Variants in COL14A1 observed in about 807,000 individuals in gnomAD.
COL14A1 encodes collagen alpha-1(XIV) chain.
COL14A1 carries 136 observed loss-of-function variants against 230.3 expected under a neutral mutation model. The ratio of observed to expected loss-of-function variants is 0.59; its 90% confidence interval spans 0.51 to 0.68. The LOEUF is 0.68. Ranked by LOEUF, COL14A1 falls within the 30% of genes least tolerant of loss-of-function variation. The pLI, the probability that COL14A1 is intolerant of heterozygous loss-of-function variation, is 0.00. For synonymous variants in COL14A1, 792 were observed against 784.1 expected (o/e 1.01, Z -0.17); for missense variants, 1,976 against 2,215.8 (o/e 0.89, Z 2.17).
At chr8:120,297,269 AG>A (rs1162478569) in intron 34 of COL14A1, among the ~76,000 whole-genome samples, 1 of 151,888 alleles carries the variant, frequency 6.6e-6, no homozygotes, top group African/African-American at 2.4e-5. Context: ...TAGAAATGAG[AG>A]GGGAAGTTTT....
At chr8:120,278,888 C>G (rs984763568) in intron 28 of COL14A1, among the ~76,000 whole-genome samples, 7 of 151,952 alleles carry the variant, frequency 4.6e-5, no homozygotes, top group African/African-American at 1.7e-4. Flanking sequence ...TCCTCAGCCT[C>G]TTAATCATAC....
intron 32 of COL14A1, among the ~76,000 whole-genome samples, chr8:120,284,495 A>C (rs1301042073): frequency 6.6e-6 from 1 of 152,212 alleles, no homozygotes; most frequent in Non-Finnish European, 1.5e-5. Context: ...ATCTAGTTTT[A>C]GTTTAGGATT....
intron 27 of COL14A1, 47 bp from the exon 28 acceptor site, chr8:120,278,388 A>G: frequency 1.3e-6 from 2 of 1,580,844 alleles, no homozygotes; most frequent in African/African-American, 1.4e-5. Flanking sequence ...CCAGAAAAAC[A>G]AAAATGGGAG....
At chr8:120,221,548 ACACACACACATG>A (rs1373405086) in intron 14 of COL14A1, among the ~76,000 whole-genome samples, 1 of 124,412 alleles carries the variant, frequency 8.0e-6, no homozygotes, top group Non-Finnish European at 1.6e-5. Flanking sequence ...TAACAGATAC[ACACACACACATG>A]CACACACACA....
At position 120,227,216 on chromosome 8, in the gene COL14A1, T is replaced by G. The variant is rs778397728; in HGVS notation, c.2005-4T>G. The G allele has an allele frequency of 1.2e-6, 2 of 1,613,476 alleles. No individual in the cohort carries two copies. The highest frequency in any genetic ancestry group is 1.7e-6 in the Non-Finnish European group (2 of 1,179,828). On this transcript the variant is annotated splice_region_variant and splice_polypyrimidine_tract_variant and intron_variant, in intron 16 of 47. Coordinates refer to ENST00000297848, the MANE Select transcript of COL14A1 (RefSeq NM_021110.4). ...TAGTTACTAAGCACCAAAATATATTTCAGGTTGTCCTGAAAGAAGAGCAGG... is the reference window on the plus strand; with the variant it reads ...TAGTTACTAAGCACCAAAATATATTGCAGGTTGTCCTGAAAGAAGAGCAGG...
At position 120,196,949 on chromosome 8, in the gene COL14A1, A is replaced by G. The variant is rs1181781826; in HGVS notation, c.592+3A>G. ...GGGCTCAGAGAAGACACGAATTGGT[A>G]TAATTTCTATTATTAGCAGTAGCAG... On this transcript the variant is annotated splice_donor_region_variant and intron_variant, in intron 6 of 47. Transcript: ENST00000297848. 2 of 1,613,476 alleles carry G rather than the reference A, an allele frequency of 1.2e-6. No homozygotes were observed. The highest frequency in any genetic ancestry group is 8.5e-7 in the Non-Finnish European group (1 of 1,179,714).
chr8:120,302,239 A>C (rs1820735838), intron 36 of COL14A1, among the ~76,000 whole-genome samples: 1 of 152,184 alleles, frequency 6.6e-6, no homozygotes, highest in South Asian at 2.1e-4. Context: ...CCTTAGTATA[A>C]TTAGAGCCCA....
intron 5 of COL14A1, among the ~76,000 whole-genome samples, chr8:120,175,893 TA>T (rs914936058): frequency 2.5e-4 from 38 of 152,260 alleles, no homozygotes; most frequent in Middle Eastern, 3.4e-3. Flanking sequence ...GCTGTACTCA[TA>T]AAAAAATACA....
chr8:120,163,589 C>A (rs573032775), intron 4 of COL14A1, among the ~76,000 whole-genome samples: 3 of 152,164 alleles, frequency 2.0e-5, no homozygotes, highest in Admixed American at 6.5e-5. Flanking sequence ...CATGGAGAAA[C>A]CCTGTCTCTA....
chr8:120,193,363 T>C (rs1816900595), intron 5 of COL14A1, among the ~76,000 whole-genome samples: 1 of 152,158 alleles, frequency 6.6e-6, no homozygotes. Flanking sequence ...GAACAGTAGA[T>C]TTTCGTGATC....
At position 120,212,380 on chromosome 8, in the gene COL14A1, C is replaced by G. The variant is rs1817636654; in HGVS notation, c.1468-68C>G. 3.2e-6 allele frequency: 5 copies of G among 1,539,048 alleles called. No homozygotes were observed. The East Asian group carries it at 1.1e-4, about 35-fold the overall frequency. On this transcript the variant is annotated intron_variant, in intron 12 of 47. Coordinates refer to ENST00000297848, the MANE Select transcript of COL14A1 (RefSeq NM_021110.4). ...TATCCCATGAAGTCTCACCTTTGTTCTGTTCCACTCTGATCAGCATGAATA... is the reference window on the plus strand; with the variant it reads ...TATCCCATGAAGTCTCACCTTTGTTGTGTTCCACTCTGATCAGCATGAATA...
intron 14 of COL14A1, among the ~76,000 whole-genome samples, chr8:120,217,975 TA>T: frequency 7.1e-6 from 1 of 140,848 alleles, no homozygotes; most frequent in Non-Finnish European, 1.5e-5. Flanking sequence ...AATTTAAATA[TA>T]TAATATATAT....
chr8:120,153,013 G>A (rs1176003555), intron 2 of COL14A1, among the ~76,000 whole-genome samples: 2 of 151,910 alleles, frequency 1.3e-5, no homozygotes, highest in East Asian at 1.9e-4. Flanking sequence ...GCTGTTTTCA[G>A]CATCTTTATA....
chr8:120,230,363 A>C (rs1367080609), intron 18 of COL14A1, among the ~76,000 whole-genome samples: 1 of 151,984 alleles, frequency 6.6e-6, no homozygotes, highest in Non-Finnish European at 1.5e-5. Context: ...TGATAATATC[A>C]TTTATTTACT....
intron 42 of COL14A1, among the ~76,000 whole-genome samples, chr8:120,340,474 TG>T (rs1368496604): frequency 5.3e-5 from 8 of 152,186 alleles, no homozygotes; most frequent in African/African-American, 1.7e-4. Context: ...AAATAACAAC[TG>T]GAAACAGTCT....
intron 28 of COL14A1, among the ~76,000 whole-genome samples, 171 bp from the exon 29 acceptor site, chr8:120,279,764 A>G (rs1234055125): frequency 6.6e-6 from 1 of 152,214 alleles, no homozygotes; most frequent in African/African-American, 2.4e-5. Context: ...TCATTATCAC[A>G]TAATGAAATA....
At chr8:120,245,564 A>ATT (rs527631208) in intron 20 of COL14A1, among the ~76,000 whole-genome samples, 1 of 151,544 alleles carries the variant, frequency 6.6e-6, no homozygotes, top group African/African-American at 2.4e-5. Context: ...AACAGTGACC[A>ATT]TTTTTTTTTA....
At chr8:120,369,541 A>G in intron 47 of COL14A1, 56 bp downstream of exon 47, 1 of 1,427,446 alleles carries the variant, frequency 7.0e-7, no homozygotes, top group South Asian at 1.6e-5. Context: ...TAGTATGCTT[A>G]GTACCAAAAT....
intron 34 of COL14A1, among the ~76,000 whole-genome samples, chr8:120,292,856 G>C (rs1820413342): frequency 6.6e-6 from 1 of 152,026 alleles, no homozygotes. Context: ...TTGAGTGGAA[G>C]ATAGATTAAT....
Sources: gnomAD v4.1 joint callset for allele counts (sites outside exome capture counted in the v4.1 genomes callset) on GRCh38, gnomAD v4.1.1 for gene constraint, MANE v1.5 for transcripts, NCBI Gene and HGNC (gene_info 2026-07-23, HGNC 2026-07-21) for gene names.